The following COBL variants were observed in gnomAD, a reference collection of about 807,000 sequenced individuals.
COBL encodes the protein cordon-bleu WH2 repeat protein.
Under a neutral mutation model 98.8 loss-of-function variants are expected in COBL, and 51 were observed. The ratio of observed to expected loss-of-function variants is 0.52; its 90% CI spans 0.41 to 0.65. The LOEUF (loss-of-function observed/expected upper bound fraction) is 0.65, where lower values mean the gene tolerates loss of function less well. Ranked by LOEUF, COBL falls within the 30% of genes least tolerant of loss-of-function variation. The pLI is 0.00. For synonymous variants in COBL, 634 were observed against 651.7 expected, an observed-to-expected ratio of 0.97 and a Z score of 0.41; for missense variants, 1,617 against 1,617.5, an observed-to-expected ratio of 1.00 and a Z score of 0.01.
At chr7:51,270,859 G>C (rs891840434) in intron 1 of COBL, among the ~76,000 whole-genome samples, 8 of 151,930 alleles carry the variant, frequency 5.3e-5, no homozygotes, top group Admixed American at 5.2e-4. Flanking sequence ...CAAGAAATCA[G>C]ATTTTAGAAA....
chr7:51,197,207 T>C (rs1790677636), intron 2 of COBL, among the ~76,000 whole-genome samples: 1 of 152,236 alleles, frequency 6.6e-6, no homozygotes. Context: ...TCCCAGAGAT[T>C]CTGGTATGTT....
intron 2 of COBL, among the ~76,000 whole-genome samples, chr7:51,210,091 C>T (rs1370408343): frequency 6.6e-6 from 1 of 152,184 alleles, no homozygotes; most frequent in Non-Finnish European, 1.5e-5. Context: ...CAAATCTCCA[C>T]CTTGTGTGCC....
chr7:51,111,486 C>T (rs1483272306), intron 6 of COBL, among the ~76,000 whole-genome samples: 1 of 152,192 alleles, frequency 6.6e-6, no homozygotes, highest in Non-Finnish European at 1.5e-5. Context: ...CAGGATCCTA[C>T]TCAAATGGTG....
chr7:51,132,159 A>G (rs1269612521), intron 6 of COBL, among the ~76,000 whole-genome samples: 2 of 152,224 alleles, frequency 1.3e-5, no homozygotes, highest in African/African-American at 4.8e-5. Context: ...GTTAACACAG[A>G]ACCCCGGCTG....
At chr7:51,178,167 TCC>T (rs1788587970) in intron 5 of COBL, among the ~76,000 whole-genome samples, 1 of 151,884 alleles carries the variant, frequency 6.6e-6, no homozygotes, top group Non-Finnish European at 1.5e-5. Context: ...TCTCTCTCTC[TCC>T]CTCTCTCTCT....
At chr7:51,071,526 CT>C (rs1203166078) in intron 7 of COBL, 1 of 152,190 alleles carries the variant, frequency 6.6e-6, no homozygotes, top group African/African-American at 2.4e-5. Context: ...TATTCACCCC[CT>C]GTAAGCTGAC....
At chr7:51,176,660 G>A (rs1009603004) in intron 5 of COBL, among the ~76,000 whole-genome samples, 1 of 152,130 alleles carries the variant, frequency 6.6e-6, no homozygotes, top group African/African-American at 2.4e-5. Flanking sequence ...AATTTTGTGA[G>A]GGCTTTAGGC....
At chr7:51,052,519 A>C (rs1400210877) in intron 7 of COBL, among the ~76,000 whole-genome samples, 1 of 152,156 alleles carries the variant, frequency 6.6e-6, no homozygotes, top group African/African-American at 2.4e-5. Flanking sequence ...CTTTGAGGGA[A>C]GTGTGGGGCA....
At chr7:51,208,067 C>T (rs149674982) in intron 2 of COBL, among the ~76,000 whole-genome samples, 4,624 of 151,110 alleles carry the variant, frequency 0.031, 208 homozygotes, top group South Asian at 0.15. Flanking sequence ...ATGTGGGGAG[C>T]GCCTCTGCCC....
intron 7 of COBL, among the ~76,000 whole-genome samples, chr7:51,062,487 G>C (rs1209952899): frequency 6.6e-6 from 1 of 152,160 alleles, no homozygotes; most frequent in Non-Finnish European, 1.5e-5. Context: ...TTGGAGAGAG[G>C]CTTCCAATTA....
At chr7:51,131,593 CTTT>C (rs369394848) in intron 6 of COBL, among the ~76,000 whole-genome samples, 3 of 139,366 alleles carry the variant, frequency 2.2e-5, no homozygotes, top group Admixed American at 7.3e-5. Flanking sequence ...GATTCTTCTT[CTTT>C]TTTTTTTTTT....
At chr7:51,206,491 C>CAAAAAAAAAAAAA (rs1216887855) in intron 2 of COBL, among the ~76,000 whole-genome samples, 4 of 101,266 alleles carry the variant, frequency 3.9e-5, no homozygotes, top group East Asian at 6.2e-4. Flanking sequence ...GACTCTGTCT[C>CAAAAAAAAAAAAA]AAAAAAAAAA....
At chr7:51,243,277 G>A (rs1795970396) in intron 1 of COBL, among the ~76,000 whole-genome samples, 1 of 152,326 alleles carries the variant, frequency 6.6e-6, no homozygotes, top group East Asian at 1.9e-4. Flanking sequence ...CAGAAGTACT[G>A]GAGCTGACGC....
At chr7:51,272,720 T>C (rs1798877659) in intron 1 of COBL, among the ~76,000 whole-genome samples, 1 of 152,120 alleles carries the variant, frequency 6.6e-6, no homozygotes, top group African/African-American at 2.4e-5. Context: ...GCCTGAGGCA[T>C]TTCTTCAAAT....
rs1394032628 is a variant in COBL at position 51,017,500 on chromosome 7, C to G, written c.*51G>C. 6.3e-7 allele frequency: 1 copy of G among 1,599,014 alleles called. No individual in the cohort carries two copies. The highest frequency in any genetic ancestry group is 8.6e-7 in the Non-Finnish European group (1 of 1,166,390). ...GGCTATGCAGACTCCTTGAGTGACG[C>G]CTGTGGGCATATTACAGGTGGGTTT... On this transcript the variant is annotated 3_prime_UTR_variant, in exon 13 of 13. Transcript: ENST00000265136.
intron 5 of COBL, among the ~76,000 whole-genome samples, chr7:51,162,631 G>T (rs1487166362): frequency 6.6e-6 from 1 of 152,150 alleles, no homozygotes; most frequent in Non-Finnish European, 1.5e-5. Flanking sequence ...CTCCGGTCAG[G>T]TTTACTCACC....
intron 6 of COBL, among the ~76,000 whole-genome samples, chr7:51,120,927 A>G (rs1001509628): frequency 2.6e-5 from 4 of 152,192 alleles, no homozygotes; most frequent in Admixed American, 2.6e-4. Flanking sequence ...ATCGATGGAC[A>G]CCTGTGTTAC....
At chr7:51,229,713 C>T (rs920780941) in intron 1 of COBL, among the ~76,000 whole-genome samples, 12 of 152,166 alleles carry the variant, frequency 7.9e-5, no homozygotes, top group African/African-American at 2.4e-4. Context: ...CCCAAAACTA[C>T]GCAACCAGAA....
chr7:51,177,523 C>T (rs1788485872), intron 5 of COBL, among the ~76,000 whole-genome samples: 1 of 152,142 alleles, frequency 6.6e-6, no homozygotes, highest in Admixed American at 6.5e-5. Flanking sequence ...CCTGTAATCC[C>T]AGCACTCTGG....
Sources: allele counts gnomAD v4.1 joint callset (sites outside exome capture counted in the v4.1 genomes callset), GRCh38; gene constraint gnomAD v4.1.1; transcripts MANE v1.5; gene names NCBI Gene and HGNC (gene_info 2026-07-23, HGNC 2026-07-21).